Variants in ZDHHC17 observed in about 807,000 individuals in gnomAD.
The protein encoded by ZDHHC17 is palmitoyltransferase ZDHHC17.
A neutral mutation model predicts 90.3 loss-of-function variants in ZDHHC17; 40 were observed. The observed-to-expected ratio is 0.44, with a 90% CI of 0.34 to 0.58. The LOEUF is 0.58. Among genes scored for constraint, ZDHHC17 ranks in the 20% least tolerant of loss-of-function variants. The pLI is 0.01. For synonymous variants in ZDHHC17, 235 were observed against 252.4 expected, an observed-to-expected ratio of 0.93 and a Z score of 0.65; for missense variants, 614 against 780.8, an observed-to-expected ratio of 0.79 and a Z score of 2.55.
chr12:76,798,387 A>G (rs573311741), intron 2 of ZDHHC17, among the ~76,000 whole-genome samples: 4 of 152,268 alleles, frequency 2.6e-5, no homozygotes, highest in Admixed American at 2.0e-4. Flanking sequence ...AAGAGGAGAA[A>G]CTAGTTCATA....
chr12:76,774,257 A>ATGT (rs1565757966), intron 1 of ZDHHC17, among the ~76,000 whole-genome samples: 1 of 88,638 alleles, frequency 1.1e-5, no homozygotes, highest in Non-Finnish European at 2.4e-5. Flanking sequence ...CTCAAAATAA[A>ATGT]GAATGTGTGT....
rs987268667 is a variant in ZDHHC17 at position 76,828,510 on chromosome 12, A to T, written c.1141+20A>T. The T allele has an allele frequency of 6.2e-7, 1 of 1,606,452 alleles. No homozygotes were observed. Among genetic ancestry groups the T allele is most frequent in the African/African-American group, 1.3e-5 (1 of 74,522 alleles). ...GGAATGATATCCTTTGGTTATAAAGATCATACCAAAAACAAATTTTGTTTG... is the reference window on the plus strand; with the variant it reads ...GGAATGATATCCTTTGGTTATAAAGTTCATACCAAAAACAAATTTTGTTTG... On this transcript the variant is annotated intron_variant, in intron 10 of 16. Coordinates refer to ENST00000426126, the MANE Select transcript of ZDHHC17 (RefSeq NM_015336.4).
chr12:76,826,626 T>C (rs2137784278), intron 8 of ZDHHC17, among the ~76,000 whole-genome samples: 1 of 152,330 alleles, frequency 6.6e-6, no homozygotes, highest in Middle Eastern at 3.4e-3. Flanking sequence ...AGCCAGTGTA[T>C]GTGTTAAGCA....
At chr12:76,802,637 C>T (rs1204909906) in intron 2 of ZDHHC17, among the ~76,000 whole-genome samples, 1 of 152,120 alleles carries the variant, frequency 6.6e-6, no homozygotes, top group Non-Finnish European at 1.5e-5. Flanking sequence ...CTTTCTGCTC[C>T]TCACACTTGA....
Position 76,790,527 on chromosome 12 carries a change from A to G in ZDHHC17, c.94-6907A>G, listed in dbSNP as rs927191867. Among the ~76,000 whole-genome samples the G allele has an allele frequency of 1.3e-5, 2 of 152,112 alleles. 1 individual carries two copies. The highest frequency in any genetic ancestry group is 3.9e-4 in the East Asian group (2 of 5,194). On this transcript the variant is annotated intron_variant, in intron 1 of 16. Transcript: ENST00000426126. ...TAAATAAATAAATATTCATTCATCA[A>G]ATGTCTGTGGAAAGACATTATAATA...
chr12:76,825,678 TG>T (rs1397696887), intron 8 of ZDHHC17, among the ~76,000 whole-genome samples: 5 of 92,558 alleles, frequency 5.4e-5, no homozygotes, highest in African/African-American at 1.9e-4. Context: ...GTCATTTATA[TG>T]AAAAAAAAAA....
intron 1 of ZDHHC17, among the ~76,000 whole-genome samples, chr12:76,787,830 C>T (rs1952708733): frequency 6.6e-6 from 1 of 152,144 alleles, no homozygotes; most frequent in Non-Finnish European, 1.5e-5. Context: ...TATATAGATC[C>T]ATTTACACAC....
chr12:76,769,708 G>C (rs903020213), intron 1 of ZDHHC17, among the ~76,000 whole-genome samples: 16 of 152,058 alleles, frequency 1.1e-4, no homozygotes, highest in African/African-American at 3.6e-4. Flanking sequence ...GCTTAGTATA[G>C]TGACCACTGT....
intron 16 of ZDHHC17, chr12:76,849,693 A>C (rs1022091995): frequency 3.0e-6 from 1 of 330,616 alleles, no homozygotes. Flanking sequence ...TTTAATTTTA[A>C]ATTTGTATTC....
chr12:76,818,255 T>G (rs1309105376), intron 7 of ZDHHC17, among the ~76,000 whole-genome samples: 1 of 152,188 alleles, frequency 6.6e-6, no homozygotes, highest in Non-Finnish European at 1.5e-5. Context: ...TATATGTAAT[T>G]AAAAAGATGA....
At chr12:76,841,941 T>A in intron 10 of ZDHHC17, 41 bp from the exon 11 acceptor site, 1 of 1,382,060 alleles carries the variant, frequency 7.2e-7, no homozygotes, top group Non-Finnish European at 9.4e-7. Flanking sequence ...TAATAGTAAT[T>A]CATTTATCAT....
chr12:76,847,977 A>AT (rs1224389920), intron 14 of ZDHHC17, among the ~76,000 whole-genome samples: 1 of 152,238 alleles, frequency 6.6e-6, no homozygotes, highest in Admixed American at 6.5e-5. Context: ...ATGTGATGCA[A>AT]TACCAATCAA....
chr12:76,787,059 C>A (rs1426231096), intron 1 of ZDHHC17, among the ~76,000 whole-genome samples: 3 of 152,102 alleles, frequency 2.0e-5, no homozygotes, highest in Non-Finnish European at 4.4e-5. Context: ...ATTTAAAAAA[C>A]CAAAATAAAA....
At chr12:76,799,021 C>T (rs1486212976) in intron 2 of ZDHHC17, among the ~76,000 whole-genome samples, 1 of 152,142 alleles carries the variant, frequency 6.6e-6, no homozygotes, top group Non-Finnish European at 1.5e-5. Context: ...CCTGTGGTCC[C>T]AGCTACTCGG....
chr12:76,795,867 C>T (rs1468348328), intron 1 of ZDHHC17, among the ~76,000 whole-genome samples: 1 of 152,036 alleles, frequency 6.6e-6, no homozygotes, highest in African/African-American at 2.4e-5. Context: ...TGAATCTTGG[C>T]TTAAGAATGA....
At chr12:76,771,917 T>G (rs752793332) in intron 1 of ZDHHC17, among the ~76,000 whole-genome samples, 2 of 152,190 alleles carry the variant, frequency 1.3e-5, no homozygotes, top group Non-Finnish European at 2.9e-5. Context: ...CAAACACAAC[T>G]GGAACCTGAG....
chr12:76,835,034 T>C (rs1470378078), intron 10 of ZDHHC17, among the ~76,000 whole-genome samples: 2 of 150,570 alleles, frequency 1.3e-5, no homozygotes, highest in African/African-American at 4.9e-5. Flanking sequence ...ATAAGCTCTT[T>C]GAGTTCCGCG....
At chr12:76,828,002 CAG>C (rs1356338791) in intron 9 of ZDHHC17, among the ~76,000 whole-genome samples, 3 of 152,014 alleles carry the variant, frequency 2.0e-5, no homozygotes, top group Non-Finnish European at 4.4e-5. Flanking sequence ...AATGATGAAA[CAG>C]AGAAAAATGT....
At chr12:76,816,076 G>A (rs982320786) in intron 7 of ZDHHC17, 57 bp downstream of exon 7, 263 of 1,314,580 alleles carry the variant, frequency 2.0e-4, no homozygotes, top group Non-Finnish European at 2.4e-4. Context: ...TGTGAATTCT[G>A]TAATAAAACA....
Sources: gnomAD v4.1 joint callset for allele counts (sites outside exome capture counted in the v4.1 genomes callset) on GRCh38, gnomAD v4.1.1 for gene constraint, MANE v1.5 for transcripts, NCBI Gene and HGNC (gene_info 2026-07-23, HGNC 2026-07-21) for gene names.